The following CNTNAP2 variants were observed in gnomAD, a reference collection of about 807,000 sequenced individuals.
The protein encoded by CNTNAP2 is contactin-associated protein-like 2.
Under a neutral mutation model 155.2 loss-of-function variants are expected in CNTNAP2, and 98 were observed. The observed-to-expected ratio is 0.63, with a 90% CI of 0.54 to 0.75. CNTNAP2 has a LOEUF of 0.75. Among genes scored for constraint, CNTNAP2 ranks in the 30% least tolerant of loss-of-function variants. The pLI, the probability that CNTNAP2 is intolerant of heterozygous loss-of-function variation, is 0.00. For missense variants in CNTNAP2, 1,727 were observed against 1,688.1 expected, an observed-to-expected ratio of 1.02 and a Z score of -0.40; for synonymous variants, 651 against 631.2, an observed-to-expected ratio of 1.03 and a Z score of -0.47.
At chr7:146,804,221 T>A (rs2129192220) in intron 2 of CNTNAP2, among the ~76,000 whole-genome samples, 1 of 152,302 alleles carries the variant, frequency 6.6e-6, no homozygotes, top group South Asian at 2.1e-4. Flanking sequence ...TATGATTGTG[T>A]TTTTAGCCAC....
chr7:147,524,692 C>T (rs1251630156), intron 11 of CNTNAP2, among the ~76,000 whole-genome samples: 1 of 152,144 alleles, frequency 6.6e-6, no homozygotes, highest in Non-Finnish European at 1.5e-5. Context: ...TCTCAGTGGA[C>T]CTCAAAGCAG....
chr7:147,516,618 ATG>A (rs10681580), intron 11 of CNTNAP2, among the ~76,000 whole-genome samples: 8,623 of 149,798 alleles, frequency 0.058, 550 homozygotes, highest in East Asian at 0.2. Flanking sequence ...GAGAGAGAGA[ATG>A]TGTGTGTGTG....
intron 13 of CNTNAP2, among the ~76,000 whole-genome samples, chr7:147,833,264 A>G (rs1798583748): frequency 6.6e-6 from 1 of 152,110 alleles, no homozygotes; most frequent in Non-Finnish European, 1.5e-5. Flanking sequence ...ATTAGCGCCA[A>G]TCTGGAAGTT....
intron 15 of CNTNAP2, among the ~76,000 whole-genome samples, chr7:148,028,313 A>G (rs4262258): frequency 0.36 from 54,298 of 152,020 alleles, 10,612 homozygotes; most frequent in East Asian, 0.77. Context: ...CTGTTTAGAA[A>G]ACTGAGGTCT....
intron 12 of CNTNAP2, among the ~76,000 whole-genome samples, chr7:147,570,628 T>C (rs1005804603): frequency 1.3e-5 from 2 of 152,172 alleles, no homozygotes; most frequent in Admixed American, 1.3e-4. Flanking sequence ...TTTTAAAATA[T>C]CACATGCATT....
At chr7:147,501,180 C>T (rs1584774333) in intron 11 of CNTNAP2, among the ~76,000 whole-genome samples, 1 of 151,604 alleles carries the variant, frequency 6.6e-6, no homozygotes, top group South Asian at 2.1e-4. Flanking sequence ...CAAAATTCAA[C>T]ATCCTTTCAT....
At chr7:146,740,082 T>C (rs1801686074) in intron 1 of CNTNAP2, among the ~76,000 whole-genome samples, 1 of 152,130 alleles carries the variant, frequency 6.6e-6, no homozygotes, top group African/African-American at 2.4e-5. Flanking sequence ...TCCTGTGATA[T>C]GAAAATTTGC....
At chr7:146,899,665 A>G (rs867725460) in intron 3 of CNTNAP2, among the ~76,000 whole-genome samples, 24 of 152,182 alleles carry the variant, frequency 1.6e-4, no homozygotes, top group African/African-American at 5.5e-4. Flanking sequence ...GGCTCACGGA[A>G]GAAGAACCAG....
intron 12 of CNTNAP2, among the ~76,000 whole-genome samples, chr7:147,583,609 A>G (rs1800560039): frequency 6.7e-6 from 1 of 150,276 alleles, no homozygotes; most frequent in Non-Finnish European, 1.5e-5. Context: ...ACATTTTTCT[A>G]TTCTGATCCA....
At chr7:147,552,202 C>A (rs987493186) in intron 11 of CNTNAP2, among the ~76,000 whole-genome samples, 5 of 152,008 alleles carry the variant, frequency 3.3e-5, no homozygotes, top group Admixed American at 6.6e-5. Flanking sequence ...GAGTTATATG[C>A]GAGTTTAAAC....
chr7:147,632,527 G>A (rs976893714), intron 12 of CNTNAP2, among the ~76,000 whole-genome samples: 2 of 152,162 alleles, frequency 1.3e-5, no homozygotes, highest in Non-Finnish European at 2.9e-5. Flanking sequence ...CTTCCACCAT[G>A]GCTGTTAAGT....
intron 19 of CNTNAP2, among the ~76,000 whole-genome samples, chr7:148,221,900 C>G (rs1044208446): frequency 7.9e-5 from 12 of 152,224 alleles, no homozygotes; most frequent in African/African-American, 2.7e-4. Context: ...CTCTCTGAGG[C>G]AAATATCTTT....
At chr7:146,721,192 C>G (rs947871987) in intron 1 of CNTNAP2, among the ~76,000 whole-genome samples, 1 of 131,716 alleles carries the variant, frequency 7.6e-6, no homozygotes, top group African/African-American at 2.8e-5. Flanking sequence ...TATATATTCT[C>G]TATATATATT....
At chr7:147,287,850 T>A (rs968177702) in intron 8 of CNTNAP2, among the ~76,000 whole-genome samples, 2 of 152,054 alleles carry the variant, frequency 1.3e-5, no homozygotes, top group Admixed American at 1.3e-4. Flanking sequence ...CAGTTGTGCT[T>A]CCAAAACGTG....
At chr7:147,121,269 T>TTTC (rs1181896678) in intron 6 of CNTNAP2, 106 bp downstream of exon 6, 2 of 1,122,700 alleles carry the variant, frequency 1.8e-6, no homozygotes, top group Non-Finnish European at 2.6e-6. Flanking sequence ...CCTTTTTTAT[T>TTTC]TTCTTCTCTA....
In CNTNAP2 at chr7:146,224,109, A is replaced by G. The variant is rs118157032; in HGVS notation, c.97+107136A>G. ...TCCACTTTTTTCTGTAAATGTATTT[A>G]TAGCCAAAAGCTTTCACCAGTTAGG... On this transcript the variant is annotated intron_variant, in intron 1 of 23. Coordinates refer to ENST00000361727, the MANE Select transcript of CNTNAP2 (RefSeq NM_014141.6). Among the ~76,000 whole-genome samples the G allele has an allele frequency of 4.9e-3, 749 of 152,316 alleles. 3 individuals carry two copies. The highest frequency in any genetic ancestry group is 7.1e-3 in the Admixed American group (108 of 15,302).
chr7:146,721,889 A>ATATTTTTTTTTTTTTTTTTTTT, intron 1 of CNTNAP2, among the ~76,000 whole-genome samples: 2 of 69,708 alleles, frequency 2.9e-5, no homozygotes, highest in African/African-American at 3.8e-4. Context: ...ATATATATAT[A>ATATTTTTTTTTTTTTTTTTTTT]TTTTTTTTTT....
intron 13 of CNTNAP2, among the ~76,000 whole-genome samples, chr7:147,777,864 T>C (rs2116549906): frequency 6.6e-6 from 1 of 152,366 alleles, no homozygotes; most frequent in East Asian, 1.9e-4. Context: ...CATTTTGTTC[T>C]ATATATAGTA....
intron 12 of CNTNAP2, among the ~76,000 whole-genome samples, chr7:147,611,587 TC>T (rs1801187304): frequency 6.6e-6 from 1 of 152,214 alleles, no homozygotes; most frequent in African/African-American, 2.4e-5. Context: ...GAATGGTCTG[TC>T]ATTATTTATA....
Sources: allele counts gnomAD v4.1 joint callset (sites outside exome capture counted in the v4.1 genomes callset), GRCh38; gene constraint gnomAD v4.1.1; transcripts MANE v1.5; gene names NCBI Gene and HGNC (gene_info 2026-07-23, HGNC 2026-07-21).